SLCO5A1: variants seen among roughly 807,000 people sequenced by gnomAD.
SLCO5A1 encodes solute carrier organic anion transporter family member 5A1.
A neutral mutation model predicts 65.1 loss-of-function variants in SLCO5A1; 39 were observed. The observed-to-expected ratio is 0.60, with a 90% CI of 0.46 to 0.78. SLCO5A1 has a LOEUF of 0.78. Among genes scored for constraint, SLCO5A1 ranks in the 30% least tolerant of loss-of-function variants. The probability of loss-of-function intolerance (pLI) is 0.00; values close to 1 mark genes in which losing one functional copy is unlikely to be tolerated. For synonymous variants in SLCO5A1, 438 were observed against 415.7 expected (o/e 1.05, Z -0.65); for missense variants, 1,029 against 1,069.4 (o/e 0.96, Z 0.53).
chr8:69,808,652 A>G lies in SLCO5A1; in HGVS notation c.907+23115T>C, dbSNP rs79334447. Among the ~76,000 whole-genome samples, 603 of 152,344 alleles carry G rather than the reference A, an allele frequency of 4.0e-3. 5 individuals carry two copies. The highest frequency in any genetic ancestry group is 0.022 in the South Asian group (107 of 4,826). ...GAACAAGTGCATTTGTCTTTATAAT[A>G]GAACAATTCATATTCTTTTGAGTTT... On this transcript the variant is annotated intron_variant, in intron 2 of 9. Coordinates refer to ENST00000260126, the MANE Select transcript of SLCO5A1 (RefSeq NM_030958.3).
At chr8:69,756,196 G>A (rs368776420) in intron 3 of SLCO5A1, among the ~76,000 whole-genome samples, 2 of 152,170 alleles carry the variant, frequency 1.3e-5, no homozygotes, top group East Asian at 1.9e-4. Flanking sequence ...GGCTGAAACA[G>A]GAGTTTGAGA....
In SLCO5A1 at chr8:69,673,901, G is replaced by A. The variant is rs868133027; in HGVS notation, c.2090-575C>T. On this transcript the variant is annotated intron_variant, in intron 9 of 9. Transcript: ENST00000260126. Reference sequence around the variant, plus strand: ...AATCTAAGAAATTATATATATGAAGGAACTTTATTATGGCATAAATTTCAT... The same window carrying A: ...AATCTAAGAAATTATATATATGAAGAAACTTTATTATGGCATAAATTTCAT... Among the ~76,000 whole-genome samples, 3 of 152,168 alleles carry A rather than the reference G, an allele frequency of 2.0e-5. No homozygotes were observed. In the South Asian group the frequency reaches 6.2e-4, roughly 32 times the overall value.
At chr8:69,674,358 C>T (rs940115774) in intron 9 of SLCO5A1, among the ~76,000 whole-genome samples, 26 of 152,188 alleles carry the variant, frequency 1.7e-4, no homozygotes, top group African/African-American at 6.0e-4. Context: ...GCCAGGAAGA[C>T]AGAAAGGAAG....
At chr8:69,767,559 A>G (rs923831999) in intron 2 of SLCO5A1, among the ~76,000 whole-genome samples, 5 of 152,204 alleles carry the variant, frequency 3.3e-5, no homozygotes, top group African/African-American at 1.2e-4. Flanking sequence ...TAATACCTGT[A>G]AAGCATGTGG....
At chr8:69,790,656 TA>T (rs542124710) in intron 2 of SLCO5A1, among the ~76,000 whole-genome samples, 9 of 150,122 alleles carry the variant, frequency 6.0e-5, no homozygotes, top group Middle Eastern at 3.4e-3. Context: ...ATCTCTAAAA[TA>T]AAAAAAAAGA....
intron 9 of SLCO5A1, among the ~76,000 whole-genome samples, chr8:69,673,810 G>A (rs566661473): frequency 5.9e-5 from 9 of 152,246 alleles, no homozygotes; most frequent in Admixed American, 5.2e-4. Flanking sequence ...GGAAAAGTAC[G>A]AGAAAAGCAG....
At chr8:69,831,471 C>A (rs927138763) in intron 2 of SLCO5A1, among the ~76,000 whole-genome samples, 1 of 152,078 alleles carries the variant, frequency 6.6e-6, no homozygotes, top group Non-Finnish European at 1.5e-5. Context: ...CAAATTGGAG[C>A]TTTTCCATAG....
At chr8:69,715,786 A>C (rs998648265) in intron 5 of SLCO5A1, among the ~76,000 whole-genome samples, 25 of 152,318 alleles carry the variant, frequency 1.6e-4, no homozygotes, top group African/African-American at 6.0e-4. Context: ...CACTAATTAG[A>C]CATATTGTGT....
intron 3 of SLCO5A1, among the ~76,000 whole-genome samples, 190 bp from the exon 4 acceptor site, chr8:69,755,831 C>T (rs1372845458): frequency 6.6e-6 from 1 of 152,220 alleles, no homozygotes; most frequent in Non-Finnish European, 1.5e-5. Context: ...AATGAGAAAT[C>T]TACTCAATAA....
At chr8:69,679,915 C>G (rs1813697223) in intron 7 of SLCO5A1, among the ~76,000 whole-genome samples, 1 of 152,146 alleles carries the variant, frequency 6.6e-6, no homozygotes, top group Non-Finnish European at 1.5e-5. Flanking sequence ...TATATTCTGC[C>G]TCCATTGCTG....
chr8:69,754,442 G>C (rs561611096), intron 4 of SLCO5A1, among the ~76,000 whole-genome samples: 1 of 152,326 alleles, frequency 6.6e-6, no homozygotes, highest in South Asian at 2.1e-4. Context: ...GGCTGGAAAT[G>C]TTCCTCTTTG....
intron 3 of SLCO5A1, among the ~76,000 whole-genome samples, chr8:69,758,143 T>C (rs558302223): frequency 6.6e-6 from 1 of 152,298 alleles, no homozygotes; most frequent in Admixed American, 6.5e-5. Flanking sequence ...TCATGATAGC[T>C]AGTTTTGTGT....
chr8:69,754,355 T>C (rs557636921), intron 4 of SLCO5A1, among the ~76,000 whole-genome samples: 1 of 152,318 alleles, frequency 6.6e-6, no homozygotes, highest in East Asian at 1.9e-4. Flanking sequence ...TTACAGTCTT[T>C]AAAAATGGTC....
At chr8:69,730,415 C>G (rs1816280242) in intron 5 of SLCO5A1, among the ~76,000 whole-genome samples, 1 of 152,118 alleles carries the variant, frequency 6.6e-6, no homozygotes. Context: ...GTTATTTAAT[C>G]TAAGATTTTA....
intron 2 of SLCO5A1, among the ~76,000 whole-genome samples, chr8:69,826,733 G>C (rs987042266): frequency 6.6e-6 from 1 of 152,202 alleles, no homozygotes; most frequent in Non-Finnish European, 1.5e-5. Flanking sequence ...GTGGAAGTCA[G>C]TGTGGCGATT....
intron 2 of SLCO5A1, among the ~76,000 whole-genome samples, chr8:69,777,711 G>A (rs895692219): frequency 4.6e-5 from 7 of 152,246 alleles, no homozygotes; most frequent in Non-Finnish European, 1.0e-4. Context: ...CACCGGGGAT[G>A]TGAATCCTCC....
intron 5 of SLCO5A1, among the ~76,000 whole-genome samples, chr8:69,705,902 G>A (rs536675046): frequency 6.6e-6 from 1 of 152,328 alleles, no homozygotes; most frequent in Non-Finnish European, 1.5e-5. Flanking sequence ...TAGAGTTGAA[G>A]ATATACATGC....
At chr8:69,805,798 T>A (rs943421970) in intron 2 of SLCO5A1, among the ~76,000 whole-genome samples, 1 of 152,172 alleles carries the variant, frequency 6.6e-6, no homozygotes, top group African/African-American at 2.4e-5. Flanking sequence ...ACAAGTCCCA[T>A]AGCAGCGTTG....
chr8:69,795,959 G>A lies in SLCO5A1; in HGVS notation c.908-34084C>T, dbSNP rs780984219. Among the ~76,000 whole-genome samples, 40 of 152,286 alleles carry A rather than the reference G, an allele frequency of 2.6e-4. 1 individual carries two copies. Among genetic ancestry groups the A allele is most frequent in the Non-Finnish European group, 2.5e-4 (17 of 68,016 alleles). ...TACAGCTTACACCCTCTGAAGCATC[G>A]GCCCAAACTGTACCTGGGACTCTTT... On this transcript the variant is annotated intron_variant, in intron 2 of 9. Transcript: ENST00000260126.
Sources: allele counts gnomAD v4.1 joint callset (sites outside exome capture counted in the v4.1 genomes callset), GRCh38; gene constraint gnomAD v4.1.1; transcripts MANE v1.5; gene names NCBI Gene and HGNC (gene_info 2026-07-23, HGNC 2026-07-21).